TRPC6: variants seen among roughly 807,000 people sequenced by gnomAD.
TRPC6 encodes short transient receptor potential channel 6.
A neutral mutation model predicts 90.7 loss-of-function variants in TRPC6; 55 were observed. The observed-to-expected ratio is 0.61, with a 90% confidence interval of 0.49 to 0.76. The LOEUF (loss-of-function observed/expected upper bound fraction) is 0.76. TRPC6 is among the 30% of genes least tolerant of loss of function. The pLI, the probability that TRPC6 is intolerant of heterozygous loss-of-function variation, is 0.00. For missense variants in TRPC6, 989 were observed against 1,122.7 expected (o/e 0.88, Z 1.70); for synonymous variants, 393 against 393.0 (o/e 1.00, Z 0.00).
intron 1 of TRPC6, among the ~76,000 whole-genome samples, chr11:101,573,003 A>G (rs1284649039): frequency 1.1e-5 from 1 of 93,070 alleles, no homozygotes; most frequent in African/African-American, 3.9e-5. Context: ...AACTTAAAGT[A>G]TAATTAAAAA....
chr11:101,577,821 C>A (rs1481536323), intron 1 of TRPC6, among the ~76,000 whole-genome samples: 1 of 152,118 alleles, frequency 6.6e-6, no homozygotes, highest in Admixed American at 6.6e-5. Flanking sequence ...GGAACTTTAA[C>A]GGAAGAGCCT....
chr11:101,556,830 T>G (rs1861570815), intron 1 of TRPC6, among the ~76,000 whole-genome samples: 2 of 151,966 alleles, frequency 1.3e-5, no homozygotes, highest in Admixed American at 1.3e-4. Context: ...CAAACAAAAT[T>G]CAACAGCACA....
At position 101,504,498 on chromosome 11, in the gene TRPC6, G is replaced by A. The variant is rs1385398275; in HGVS notation, c.471C>T (p.Asn157=). 1 of 1,614,034 alleles carries A rather than the reference G, an allele frequency of 6.2e-7. No individual in the cohort carries two copies. Among genetic ancestry groups the A allele is most frequent in the Non-Finnish European group, 8.5e-7 (1 of 1,179,994 alleles). The part of the protein sequence containing the change: ...EITELLLKKE[N]LSRVGDALLL... Reference sequence around the variant, plus strand: ...GCAAAGCATCCCCAACTCGAGAGAGGTTTTCTTTCTTGAGAAGAAGTTCTG... The same window carrying A: ...GCAAAGCATCCCCAACTCGAGAGAGATTTTCTTTCTTGAGAAGAAGTTCTG... The change falls in exon 2 of 13, where the codon AAC becomes AAT. Residue 157 remains asparagine (N), a synonymous_variant. Transcript: ENST00000344327.
chr11:101,516,586 A>G (rs1040415156), intron 1 of TRPC6, among the ~76,000 whole-genome samples: 4 of 152,218 alleles, frequency 2.6e-5, no homozygotes, highest in Non-Finnish European at 5.9e-5. Flanking sequence ...ACTTAGCACA[A>G]ACTTGGTAGA....
chr11:101,455,305 T>C lies in TRPC6; in HGVS notation c.2485-204A>G, dbSNP rs950914117. On this transcript the variant is annotated intron_variant, in intron 10 of 12. Coordinates refer to ENST00000344327, the MANE Select transcript of TRPC6 (RefSeq NM_004621.6). ...GTTCAGTTTGTTAATGGCTGTTTGT[T>C]AGAGGTTGTCTGAGGAGTCTCTTAG... The C allele has an allele frequency of 5.7e-6, 3 of 522,238 alleles. No homozygotes were observed. The African/African-American group carries it at 5.8e-5, about 10-fold the overall frequency. The allele number at this position is 522,238 out of a possible 1,614,324, so 32.4% of individuals were successfully genotyped here. A position where few individuals can be genotyped will look rare whatever the true frequency, so the allele number is the denominator to read the frequency against.
At chr11:101,560,996 A>ACCATGT (rs1565245189) in intron 1 of TRPC6, among the ~76,000 whole-genome samples, 1 of 152,170 alleles carries the variant, frequency 6.6e-6, no homozygotes, top group Non-Finnish European at 1.5e-5. Context: ...CCAGTTTAAT[A>ACCATGT]CCATGTCTTA....
In TRPC6 at chr11:101,472,348, CA is replaced by C. The variant is rs1450175430; in HGVS notation, c.2010-17del. 6.2e-7 allele frequency: 1 copy of C among 1,607,080 alleles called. No individual in the cohort carries two copies. The highest frequency in any genetic ancestry group is 8.5e-7 in the Non-Finnish European group (1 of 1,175,622). ...CTCTTCAACTCTGGGGAAAAAATAA[CA>C]GAAGAAAAGAAATAAGAAAGTGTAT... On this transcript the variant is annotated splice_polypyrimidine_tract_variant and intron_variant, in intron 7 of 12. Coordinates refer to ENST00000344327, the MANE Select transcript of TRPC6 (RefSeq NM_004621.6).
Position 101,488,966 on chromosome 11 carries a change from G to C in TRPC6, c.1264C>G (p.Leu422Val). 3 of 1,614,134 alleles carry C rather than the reference G, an allele frequency of 1.9e-6. No individual in the cohort carries two copies. The highest frequency in any genetic ancestry group is 2.5e-6 in the Non-Finnish European group (3 of 1,180,006). Residue 422 changes from leucine (L) to valine (V), a missense_variant, in exon 4 of 13, where the codon CTC (leucine) becomes GTC (valine). This residue lies in a region of TRPC6 where 486 missense variants were observed against 591.9 expected (regional missense o/e 0.82). Transcript: ENST00000344327. The stretch of plus-strand genomic sequence containing the variant: ...CTGCATGGAGCAAACCAGTAAATGA[G>C]AGCCAGGAAGGGCAGTCCAATGGCA... The part of the protein sequence containing the change: ...AVAIGLPFLA[L>V]IYWFAPCSKM...
intron 3 of TRPC6, 68 bp from the exon 4 acceptor site, chr11:101,489,169 G>A (rs545872143): frequency 1.5e-6 from 2 of 1,338,264 alleles, no homozygotes; most frequent in African/African-American, 1.5e-5. Flanking sequence ...ATTTTCATGT[G>A]TTCTAATAGT....
intron 1 of TRPC6, among the ~76,000 whole-genome samples, chr11:101,579,466 C>T (rs1366406263): frequency 2.0e-5 from 3 of 152,110 alleles, no homozygotes; most frequent in South Asian, 4.1e-4. Flanking sequence ...CACTCTTGGT[C>T]GATTGTTTCC....
chr11:101,560,129 T>G (rs891854943), intron 1 of TRPC6, among the ~76,000 whole-genome samples: 1 of 152,140 alleles, frequency 6.6e-6, no homozygotes, highest in Non-Finnish European at 1.5e-5. Context: ...GTGGGCAAAA[T>G]GTATTCAATT....
chr11:101,582,695 C>G (rs964029800), intron 1 of TRPC6, among the ~76,000 whole-genome samples: 1 of 152,138 alleles, frequency 6.6e-6, no homozygotes, highest in Admixed American at 6.5e-5. Context: ...TCCCCAGACG[C>G]CCCGGGTGAA....
chr11:101,489,529 C>A lies in TRPC6; in HGVS notation c.1129-428G>T, dbSNP rs139199073. Among the ~76,000 whole-genome samples the A allele has an allele frequency of 5.4e-3, 816 of 152,084 alleles. 3 individuals are homozygous for A. The highest frequency in any genetic ancestry group is 0.019 in the African/African-American group (778 of 41,530). On this transcript the variant is annotated intron_variant, in intron 3 of 12. Coordinates refer to ENST00000344327, the MANE Select transcript of TRPC6 (RefSeq NM_004621.6). ...ATGTCACAGAGTTTATACTAAATTC[C>A]CGTTTGTATATGGCTCTGTCTCTGG... is the stretch of plus-strand genomic sequence containing the variant.
At chr11:101,544,547 G>T (rs1172374561) in intron 1 of TRPC6, among the ~76,000 whole-genome samples, 1 of 152,114 alleles carries the variant, frequency 6.6e-6, no homozygotes, top group Non-Finnish European at 1.5e-5. Context: ...ATAGTATGCA[G>T]CCATAAAAAA....
At position 101,548,457 on chromosome 11, in the gene TRPC6, G is replaced by GATATATAT. The variant is rs143790648; in HGVS notation, c.170+34869_170+34876dup. 4.5e-3 allele frequency among the ~76,000 whole-genome samples: 561 copies of GATATATAT among 123,444 alleles called. 6 individuals are homozygous for GATATATAT. Among genetic ancestry groups the GATATATAT allele is most frequent in the South Asian group, 0.014 (46 of 3,232 alleles). The allele number at this position is 123,444 out of a possible 152,430, so 81.0% of individuals were successfully genotyped here. A position where few individuals can be genotyped will look rare whatever the true frequency, so the allele number is the denominator to read the frequency against. On this transcript the variant is annotated intron_variant, in intron 1 of 12. Coordinates refer to ENST00000344327, the MANE Select transcript of TRPC6 (RefSeq NM_004621.6). ...TATATAATACATAATTATATATACT[G>GATATATAT]ATATATATATATATATATATCTCTC... is the stretch of plus-strand genomic sequence containing the variant.
rs141382144 is a variant in TRPC6 at position 101,539,946 on chromosome 11, G to A, written c.171-35148C>T. ...GAACAGCCATTCAGAGTCAATCATG[G>A]AAGTTTCAATGGGAGCATTTGTTTT... On this transcript the variant is annotated intron_variant, in intron 1 of 12. Coordinates refer to ENST00000344327, the MANE Select transcript of TRPC6 (RefSeq NM_004621.6). Among the ~76,000 whole-genome samples the A allele has an allele frequency of 3.0e-3, 457 of 152,310 alleles. 3 individuals are homozygous for A. The highest frequency in any genetic ancestry group is 0.01 in the African/African-American group (434 of 41,566).
chr11:101,471,118 TG>T, intron 9 of TRPC6, 64 bp downstream of exon 9: 3 of 1,495,432 alleles, frequency 2.0e-6, no homozygotes, highest in Non-Finnish European at 2.8e-6. Context: ...TAAAGGGATG[TG>T]GCATAGTGGT....
At chr11:101,511,482 G>T (rs1012227750) in intron 1 of TRPC6, among the ~76,000 whole-genome samples, 2 of 152,016 alleles carry the variant, frequency 1.3e-5, no homozygotes, top group African/African-American at 4.8e-5. Context: ...CTATTAACCT[G>T]ACTGCAAACG....
chr11:101,479,249 G>A (rs964510669), intron 5 of TRPC6, among the ~76,000 whole-genome samples: 8 of 152,214 alleles, frequency 5.3e-5, no homozygotes, highest in African/African-American at 1.7e-4. Flanking sequence ...CTGGACTGCC[G>A]TCCTCTCCTT....
Sources: allele counts gnomAD v4.1 joint callset (sites outside exome capture counted in the v4.1 genomes callset), GRCh38; gene constraint gnomAD v4.1.1; regional missense constraint gnomAD v4.1.1; transcripts MANE v1.5; gene names NCBI Gene and HGNC (gene_info 2026-07-23, HGNC 2026-07-21).